CEP76: variants seen among roughly 807,000 people sequenced by gnomAD.
CEP76 encodes centrosomal protein of 76 kDa.
A neutral mutation model predicts 83.3 loss-of-function variants in CEP76; 55 were observed. The observed-to-expected ratio is 0.66, with a 90% confidence interval of 0.53 to 0.83. The LOEUF is 0.83. CEP76 is among the 40% of genes least tolerant of loss of function. The pLI is 0.00. For missense variants in CEP76, 694 were observed against 799.5 expected, an observed-to-expected ratio of 0.87 and a Z score of 1.59; for synonymous variants, 270 against 274.5, an observed-to-expected ratio of 0.98 and a Z score of 0.16.
intron 7 of CEP76, among the ~76,000 whole-genome samples, chr18:12,690,939 G>GCCC (rs56296606): frequency 3.4e-5 from 5 of 148,776 alleles, no homozygotes; most frequent in African/African-American, 9.9e-5. Context: ...TATGCCCAGA[G>GCCC]CCCCCCCCCG....
Position 12,673,347 on chromosome 18 carries a change from CT to C in CEP76, c.*17del. The C allele has an allele frequency of 6.3e-7, 1 of 1,591,432 alleles. No homozygotes were observed. Among genetic ancestry groups the C allele is most frequent in the South Asian group, 1.1e-5 (1 of 87,048 alleles). On this transcript the variant is annotated 3_prime_UTR_variant, in exon 12 of 12. Coordinates refer to ENST00000262127, the MANE Select transcript of CEP76 (RefSeq NM_024899.4). ...ATTCCAATTAAACACAGGTATAAAT[CT>C]TATATAAATATTGGCCCTATAATAC...
intron 6 of CEP76, among the ~76,000 whole-genome samples, chr18:12,693,049 C>G (rs2039825667): frequency 6.6e-6 from 1 of 152,154 alleles, no homozygotes; most frequent in African/African-American, 2.4e-5. Context: ...GTCTTGAACT[C>G]CTGGCCTGAA....
At chr18:12,699,718 GT>G in intron 3 of CEP76, 111 bp downstream of exon 3, 1 of 617,856 alleles carries the variant, frequency 1.6e-6, no homozygotes, top group Non-Finnish European at 2.7e-6. Context: ...AAAATTTTAA[GT>G]ATTTTATTTT....
At chr18:12,698,954 A>G (rs1179298837) in intron 4 of CEP76, 25 bp downstream of exon 4, 4 of 1,463,916 alleles carry the variant, frequency 2.7e-6, no homozygotes, top group Non-Finnish European at 3.8e-6. Context: ...ACTCAATTAA[A>G]TGACAATTTA....
At chr18:12,663,900 T>TA (rs1188782988) in intron 12 of CEP76, among the ~76,000 whole-genome samples, 1 of 152,148 alleles carries the variant, frequency 6.6e-6, no homozygotes, top group Non-Finnish European at 1.5e-5. Flanking sequence ...CACAGTGGTT[T>TA]ATGCCTGTAA....
Position 12,691,430 on chromosome 18 carries a change from T to C in CEP76, c.862A>G (p.Lys288Glu). 1 of 1,609,530 alleles carries C rather than the reference T, an allele frequency of 6.2e-7. No homozygotes were observed. The highest frequency in any genetic ancestry group is 8.5e-7 in the Non-Finnish European group (1 of 1,177,326). ...EKERLFLVYA[K>E]QWWREYLQIR... Reference sequence around the variant, plus strand: ...TGCAAATATTCTCTCCACCACTGCTTAGCATATACAAGAAATAATCGCTCT... The same window carrying C: ...TGCAAATATTCTCTCCACCACTGCTCAGCATATACAAGAAATAATCGCTCT... The change falls in exon 7 of 12, where the codon AAG (lysine) becomes GAG (glutamate). Residue 288 changes from lysine (K) to glutamate (E), a missense_variant. By Grantham distance (56) the Lys-to-Glu change is moderately conservative. Coordinates refer to ENST00000262127, the MANE Select transcript of CEP76 (RefSeq NM_024899.4).
intron 9 of CEP76, among the ~76,000 whole-genome samples, 160 bp from the exon 10 acceptor site, chr18:12,678,602 TATTA>T (rs2039228740): frequency 6.6e-6 from 1 of 152,186 alleles, no homozygotes; most frequent in African/African-American, 2.4e-5. Flanking sequence ...GATTACTCTG[TATTA>T]ATTGTATGGT....
chr18:12,677,931 T>C (rs969460317), intron 10 of CEP76, among the ~76,000 whole-genome samples, 178 bp downstream of exon 10: 11 of 152,212 alleles, frequency 7.2e-5, no homozygotes, highest in African/African-American at 2.4e-4. Flanking sequence ...TTGAAGATTT[T>C]TGAGTCTCAG....
intron 9 of CEP76, 148 bp downstream of exon 9, chr18:12,680,514 T>C (rs1186972343): frequency 2.0e-6 from 1 of 499,956 alleles, no homozygotes; most frequent in African/African-American, 2.0e-5. Context: ...GAGAATCGGC[T>C]TGAACCTGGG....
At chr18:12,694,768 C>T (rs2039889691) in intron 6 of CEP76, among the ~76,000 whole-genome samples, 1 of 150,742 alleles carries the variant, frequency 6.6e-6, no homozygotes. Flanking sequence ...CTGGAGTGCA[C>T]TGGTGCGATC....
At chr18:12,671,908 C>CT (rs1954221928), downstream of CEP76, among the ~76,000 whole-genome samples, 1 of 152,122 alleles carries the variant, frequency 6.6e-6, no homozygotes, top group South Asian at 2.1e-4. Context: ...ACAACCTCCG[C>CT]CTCCCAGGTT....
downstream of CEP76, among the ~76,000 whole-genome samples, chr18:12,669,844 A>C (rs1170863656): frequency 6.6e-6 from 1 of 151,636 alleles, no homozygotes; most frequent in Admixed American, 6.6e-5. Context: ...CTACTTAAAA[A>C]AAATTAGCCA....
intron 6 of CEP76, among the ~76,000 whole-genome samples, chr18:12,693,808 C>T (rs112274236): frequency 1.3e-5 from 2 of 152,154 alleles, no homozygotes; most frequent in African/African-American, 2.4e-5. Context: ...AAACCCCTCA[C>T]GTATACACAT....
intron 7 of CEP76, among the ~76,000 whole-genome samples, chr18:12,689,954 A>G (rs2039690534): frequency 6.6e-6 from 1 of 152,062 alleles, no homozygotes; most frequent in Non-Finnish European, 1.5e-5. Context: ...AAGCCTGGCT[A>G]ATTTTTGTAT....
intron 12 of CEP76, among the ~76,000 whole-genome samples, chr18:12,665,920 C>T (rs1009982089): frequency 7.2e-5 from 11 of 152,136 alleles, no homozygotes; most frequent in Non-Finnish European, 1.3e-4. Flanking sequence ...TGGTCTTGAA[C>T]GCCTGACCCC....
downstream of CEP76, among the ~76,000 whole-genome samples, chr18:12,670,158 C>G (rs2038907273): frequency 6.6e-6 from 1 of 151,612 alleles, no homozygotes. Context: ...GGTGAAACCC[C>G]TCTCTAATAA....
At chr18:12,668,153 T>G (rs563418760), downstream of CEP76, among the ~76,000 whole-genome samples, 1 of 151,958 alleles carries the variant, frequency 6.6e-6, no homozygotes, top group East Asian at 1.9e-4. Context: ...TAATCCCAGC[T>G]ATTTGGGAGG....
At position 12,701,067 on chromosome 18, in the gene CEP76, C is replaced by T. The variant is rs2040133884; in HGVS notation, c.110G>A (p.Arg37Gln). The change falls in exon 2 of 12, where the codon CGG (arginine) becomes CAG (glutamine). Residue 37 changes from arginine (R) to glutamine (Q), a missense_variant. Physicochemically the swap from Arg to Gln is conservative, Grantham distance 43. Coordinates refer to ENST00000262127, the MANE Select transcript of CEP76 (RefSeq NM_024899.4). ...CTGTTGATCAGGTGCCAATTCTTCC[C>T]GTATAGTCTCAGCAAGGATTTCTCT... Reference protein sequence around the residue: ...RIREILAETIREELAPDQQHL... With the variant: ...RIREILAETIQEELAPDQQHL... 6.2e-7 allele frequency: 1 copy of T among 1,613,396 alleles called. No individual in the cohort carries two copies. Among genetic ancestry groups the T allele is most frequent in the Non-Finnish European group, 8.5e-7 (1 of 1,179,630 alleles).
chr18:12,691,275 A>G, intron 7 of CEP76, 84 bp downstream of exon 7: 2 of 860,766 alleles, frequency 2.3e-6, no homozygotes, highest in Middle Eastern at 5.6e-4. Context: ...AATACATTTT[A>G]CAAATAAATA....
Sources: gnomAD v4.1 joint callset for allele counts (sites outside exome capture counted in the v4.1 genomes callset) on GRCh38, gnomAD v4.1.1 for gene constraint, MANE v1.5 for transcripts, NCBI Gene and HGNC (gene_info 2026-07-23, HGNC 2026-07-21) for gene names.